Variants in FBXL17 observed in about 807,000 individuals in gnomAD.
FBXL17 encodes the protein F-box and leucine rich repeat protein 17, also known as F-box/LRR-repeat protein 17.
Under a neutral mutation model 66.2 loss-of-function variants are expected in FBXL17, and 22 were observed. The observed-to-expected ratio is 0.33, with a 90% CI of 0.24 to 0.47. The LOEUF (loss-of-function observed/expected upper bound fraction) is 0.47. Ranked by LOEUF, FBXL17 falls within the 20% of genes least tolerant of loss-of-function variation. FBXL17 has a pLI of 1.00. For synonymous variants in FBXL17, 474 were observed against 400.5 expected (o/e 1.18, Z -2.19); for missense variants, 878 against 948.2 (o/e 0.93, Z 0.97).
At chr5:108,329,322 C>T (rs767322956) in intron 4 of FBXL17, among the ~76,000 whole-genome samples, 2 of 152,066 alleles carry the variant, frequency 1.3e-5, no homozygotes, top group Non-Finnish European at 2.9e-5. Flanking sequence ...TCTTAGATGT[C>T]AAAGCAAAGA....
chr5:108,182,865 A>C (rs1334564993), intron 6 of FBXL17, among the ~76,000 whole-genome samples: 4 of 152,164 alleles, frequency 2.6e-5, no homozygotes, highest in Non-Finnish European at 5.9e-5. Context: ...CTGTATTTAA[A>C]TGATACAAAC....
chr5:108,035,011 T>C (rs1426104714), intron 6 of FBXL17, among the ~76,000 whole-genome samples: 3 of 152,170 alleles, frequency 2.0e-5, no homozygotes, highest in Non-Finnish European at 4.4e-5. Context: ...AAACATTACA[T>C]AATTTTTTTC....
At chr5:107,924,188 C>T (rs1750419987) in intron 7 of FBXL17, among the ~76,000 whole-genome samples, 1 of 150,948 alleles carries the variant, frequency 6.6e-6, no homozygotes, top group Non-Finnish European at 1.5e-5. Flanking sequence ...CCCGACTTTG[C>T]AAGACTTGTC....
At chr5:107,985,407 A>C (rs921569573) in intron 7 of FBXL17, among the ~76,000 whole-genome samples, 1 of 152,194 alleles carries the variant, frequency 6.6e-6, no homozygotes, top group African/African-American at 2.4e-5. Flanking sequence ...AGTTCAGTGG[A>C]GGTGATGCAG....
intron 6 of FBXL17, among the ~76,000 whole-genome samples, chr5:108,132,224 C>T (rs1019959210): frequency 2.0e-5 from 3 of 152,198 alleles, no homozygotes; most frequent in Non-Finnish European, 4.4e-5. Context: ...AATCCGCCCG[C>T]ATCAGCCTCC....
At chr5:107,918,664 T>C (rs1750212698) in intron 7 of FBXL17, among the ~76,000 whole-genome samples, 1 of 152,226 alleles carries the variant, frequency 6.6e-6, no homozygotes, top group African/African-American at 2.4e-5. Flanking sequence ...GTATCTGTAT[T>C]TGAAATAGTT....
chr5:107,953,769 A>G (rs1028279679), intron 7 of FBXL17, among the ~76,000 whole-genome samples: 1 of 152,164 alleles, frequency 6.6e-6, no homozygotes, highest in African/African-American at 2.4e-5. Flanking sequence ...TATAATCAAT[A>G]AGTCTTTGGT....
chr5:107,977,062 T>A (rs542547683), intron 7 of FBXL17, among the ~76,000 whole-genome samples: 1 of 152,298 alleles, frequency 6.6e-6, no homozygotes, highest in Non-Finnish European at 1.5e-5. Context: ...CTTGCCACTA[T>A]TATGGGGCAA....
chr5:108,085,990 T>C (rs907611110), intron 6 of FBXL17, among the ~76,000 whole-genome samples: 7 of 152,156 alleles, frequency 4.6e-5, no homozygotes, highest in African/African-American at 1.7e-4. Flanking sequence ...TCTGACTTTC[T>C]TCCCTTCTCA....
At chr5:108,196,246 C>T (rs1024898965) in intron 5 of FBXL17, among the ~76,000 whole-genome samples, 2 of 149,562 alleles carry the variant, frequency 1.3e-5, no homozygotes, top group Non-Finnish European at 2.9e-5. Flanking sequence ...AAAAAAAAAA[C>T]GCTTATAGCA....
chr5:107,935,279 G>C (rs1471112273), intron 7 of FBXL17, among the ~76,000 whole-genome samples: 3 of 152,036 alleles, frequency 2.0e-5, no homozygotes, highest in Non-Finnish European at 2.9e-5. Context: ...GGAGAATACA[G>C]CAAAAGTACC....
In FBXL17 at chr5:108,137,479, G is replaced by C. The variant is rs564510302; in HGVS notation, c.1745+48638C>G. On this transcript the variant is annotated intron_variant, in intron 6 of 8. Coordinates refer to ENST00000542267, the MANE Select transcript of FBXL17 (RefSeq NM_001163315.3). ...CATCAGCCAAAAACACTGTGTTTTTGAATGTTGGCATGATCACCTATTAGT... is the reference window on the plus strand; with the variant it reads ...CATCAGCCAAAAACACTGTGTTTTTCAATGTTGGCATGATCACCTATTAGT... Among the ~76,000 whole-genome samples, 5 of 152,140 alleles carry C rather than the reference G, an allele frequency of 3.3e-5. No individual in the cohort carries two copies. The East Asian group carries it at 5.8e-4, about 18-fold the overall frequency.
At chr5:107,879,504 G>T in intron 8 of FBXL17, 3 of 985,398 alleles carry the variant, frequency 3.0e-6, no homozygotes, top group Non-Finnish European at 2.4e-6. Context: ...CTTCTGGGCT[G>T]GGCTGAGAAT....
chr5:108,160,009 C>A (rs1238980853), intron 6 of FBXL17, among the ~76,000 whole-genome samples: 2 of 67,134 alleles, frequency 3.0e-5, no homozygotes, highest in Non-Finnish European at 5.1e-5. Context: ...ACATAGATAT[C>A]CCTGTCAAAA....
chr5:107,880,291 C>T (rs1381478975), intron 8 of FBXL17: 1 of 822,092 alleles, frequency 1.2e-6, no homozygotes. Flanking sequence ...GTTGTCCAGG[C>T]TGGTCTCAAA....
At chr5:108,246,047 T>C (rs1442263393) in intron 4 of FBXL17, among the ~76,000 whole-genome samples, 1 of 152,234 alleles carries the variant, frequency 6.6e-6, no homozygotes, top group Admixed American at 6.5e-5. Context: ...CCACACAGTT[T>C]CTTCAGTTTC....
At chr5:108,317,563 TTAA>T (rs1759428113) in intron 4 of FBXL17, among the ~76,000 whole-genome samples, 1 of 151,224 alleles carries the variant, frequency 6.6e-6, no homozygotes, top group Non-Finnish European at 1.5e-5. Context: ...TTTGTATAAA[TTAA>T]TAATCTGCTA....
chr5:108,113,244 C>T (rs886448865), intron 6 of FBXL17, among the ~76,000 whole-genome samples: 6 of 152,136 alleles, frequency 3.9e-5, no homozygotes, highest in Non-Finnish European at 5.9e-5. Flanking sequence ...TGTGGCTAAC[C>T]TGACTAGATC....
At chr5:108,331,195 T>A (rs1018532652) in intron 4 of FBXL17, among the ~76,000 whole-genome samples, 1 of 152,214 alleles carries the variant, frequency 6.6e-6, no homozygotes, top group African/African-American at 2.4e-5. Flanking sequence ...TCACTCAATA[T>A]CAAGAAATCA....
Sources: allele counts gnomAD v4.1 joint callset (sites outside exome capture counted in the v4.1 genomes callset), GRCh38; gene constraint gnomAD v4.1.1; transcripts MANE v1.5; gene names NCBI Gene and HGNC (gene_info 2026-07-23, HGNC 2026-07-21).